The following FRRS1 variants were observed in gnomAD, a reference collection of about 807,000 sequenced individuals.
The protein encoded by FRRS1 is ferric chelate reductase 1, also known as ferric reductase 1.
Under a neutral mutation model 70.7 loss-of-function variants are expected in FRRS1, and 51 were observed. The observed-to-expected ratio is 0.72, with a 90% CI of 0.58 to 0.91. The LOEUF (loss-of-function observed/expected upper bound fraction) is 0.91. Among genes scored for constraint, FRRS1 ranks in the 40% least tolerant of loss-of-function variants. The probability of loss-of-function intolerance (pLI) is 0.00; values close to 1 mark genes in which losing one functional copy is unlikely to be tolerated. For missense variants in FRRS1, 672 were observed against 726.0 expected (o/e 0.93, Z 0.86); for synonymous variants, 225 against 238.7 (o/e 0.94, Z 0.53).
chr1:99,740,507 G>A (rs1278799189), intron 6 of FRRS1, among the ~76,000 whole-genome samples: 1 of 152,168 alleles, frequency 6.6e-6, no homozygotes, highest in Non-Finnish European at 1.5e-5. Context: ...TGCTCACATA[G>A]AGAAAACTAA....
chr1:99,761,045 T>A (rs1657093367), intron 1 of FRRS1, among the ~76,000 whole-genome samples: 1 of 152,142 alleles, frequency 6.6e-6, no homozygotes, highest in Non-Finnish European at 1.5e-5. Flanking sequence ...AACAAAGTAA[T>A]TTGAAACTCT....
intron 1 of FRRS1, among the ~76,000 whole-genome samples, chr1:99,758,140 T>C (rs374814938): frequency 4.6e-5 from 7 of 152,362 alleles, no homozygotes; most frequent in South Asian, 2.1e-4. Flanking sequence ...TTATGCTCAG[T>C]AAGCTGGCAC....
At chr1:99,754,867 A>C (rs560913888) in intron 1 of FRRS1, among the ~76,000 whole-genome samples, 1 of 152,182 alleles carries the variant, frequency 6.6e-6, no homozygotes, top group Non-Finnish European at 1.5e-5. Context: ...GGAAATATAC[A>C]CTTTAACCAG....
intron 4 of FRRS1, among the ~76,000 whole-genome samples, chr1:99,743,054 TA>T (rs1043255944): frequency 6.6e-6 from 1 of 152,202 alleles, no homozygotes; most frequent in African/African-American, 2.4e-5. Flanking sequence ...TCTTCAATAT[TA>T]AAACCCTTCA....
Position 99,708,645 on chromosome 1 carries a change from T to A in FRRS1, c.*383A>T, listed in dbSNP as rs573746471. The stretch of plus-strand genomic sequence containing the variant: ...AAAAAAATATATATATATATATATA[T>A]ATATATATATATATATATCGTAATA... On this transcript the variant is annotated 3_prime_UTR_variant, in exon 17 of 17. Coordinates refer to ENST00000646001, the MANE Select transcript of FRRS1 (RefSeq NM_001361041.2). 9.2e-5 allele frequency: 11 copies of A among 119,784 alleles called. No individual in the cohort carries two copies. Among genetic ancestry groups the A allele is most frequent in the African/African-American group, 1.6e-4 (5 of 31,186 alleles). 7.4% of individuals were successfully genotyped at this position (119,784 alleles called of 1,614,324 possible).
At chr1:99,732,801 T>C (rs1277153424) in intron 7 of FRRS1, among the ~76,000 whole-genome samples, 1 of 151,806 alleles carries the variant, frequency 6.6e-6, no homozygotes, top group Non-Finnish European at 1.5e-5. Context: ...ATTCTATAAT[T>C]ACTAAAGTTT....
In FRRS1 at chr1:99,710,817, A is replaced by C. The variant is rs747167930; in HGVS notation, c.1613T>G (p.Leu538Arg). Reference protein sequence around the residue: ...EVVLEVHAYRLSRKVEILDDD... With the variant: ...EVVLEVHAYRRSRKVEILDDD... ...TTTTACCAGGTTACCTTTGCGAGAG[A>C]GCCGATAAGCATGTACCTCCAGAAC... The change falls in exon 15 of 17, where the codon CTC becomes CGC. Residue 538 changes from leucine (L) to arginine (R), a missense_variant. Leu to Arg is a moderately radical substitution (Grantham distance 102). Transcript: ENST00000646001. The C allele has an allele frequency of 6.2e-7, 1 of 1,613,854 alleles. No individual in the cohort carries two copies.
In FRRS1 at chr1:99,717,458, C is replaced by T; in HGVS notation, c.1188G>A (p.Lys396=). The change falls in exon 11 of 17, where the codon AAG becomes AAA. Residue 396 remains lysine, a synonymous_variant. Coordinates refer to ENST00000646001, the MANE Select transcript of FRRS1 (RefSeq NM_001361041.2). ...GCAAGAAAGCTTTTGACCAAACTGGCTTGAAGAACCGGGCAACCAGTACAC... is the reference window on the plus strand; with the variant it reads ...GCAAGAAAGCTTTTGACCAAACTGGTTTGAAGAACCGGGCAACCAGTACAC... ...SIGVLVARFF[K]PVWSKAFLLG... The T allele has an allele frequency of 6.2e-7, 1 of 1,614,138 alleles. No individual in the cohort carries two copies. Among genetic ancestry groups the T allele is most frequent in the Non-Finnish European group, 8.5e-7 (1 of 1,179,980 alleles).
chr1:99,742,872 T>C (rs61167048), intron 4 of FRRS1, among the ~76,000 whole-genome samples: 46,497 of 152,154 alleles, frequency 0.31, 8,589 homozygotes, highest in East Asian at 0.55. Flanking sequence ...GTTCTACTTA[T>C]GTGTTCATAG....
Position 99,745,775 on chromosome 1 carries a change from G to A in FRRS1, c.333+1519C>T, listed in dbSNP as rs1229999791. On this transcript the variant is annotated intron_variant, in intron 4 of 16. Transcript: ENST00000646001. ...TTAAATTGCAATCCCCAGTGTTGGA[G>A]GTGGGAACTGGTGGGAGGTGTTTGT... Among the ~76,000 whole-genome samples the A allele has an allele frequency of 4.6e-5, 7 of 152,214 alleles. No homozygotes were observed. The South Asian group carries it at 8.3e-4, about 18-fold the overall frequency.
At chr1:99,730,702 C>T (rs1489230064) in intron 7 of FRRS1, among the ~76,000 whole-genome samples, 1 of 152,066 alleles carries the variant, frequency 6.6e-6, no homozygotes, top group East Asian at 1.9e-4. Flanking sequence ...CCCGTCTCTA[C>T]TAAAAATACA....
intron 1 of FRRS1, among the ~76,000 whole-genome samples, chr1:99,757,345 C>T (rs1002868511): frequency 1.4e-4 from 22 of 152,062 alleles, no homozygotes; most frequent in African/African-American, 5.3e-4. Context: ...CATTAAGTTT[C>T]AGCCTTGAAT....
At chr1:99,728,389 T>C in intron 9 of FRRS1, 104 bp downstream of exon 9, 1 of 960,888 alleles carries the variant, frequency 1.0e-6, no homozygotes, top group South Asian at 1.8e-5. Context: ...GGAAAGCGTG[T>C]GCCTTAAAAA....
rs1034598206 is a variant in FRRS1, at chr1:99,704,679, G to T, written c.*4349C>A. Reference sequence around the variant, plus strand: ...GGCAGACACACAAGCAGCTGGACGTGGAGAGGAACACATCGCAGAAGACAC... The same window carrying T: ...GGCAGACACACAAGCAGCTGGACGTTGAGAGGAACACATCGCAGAAGACAC... On this transcript the variant is annotated 3_prime_UTR_variant, in exon 17 of 17. Coordinates refer to ENST00000646001, the MANE Select transcript of FRRS1 (RefSeq NM_001361041.2). Among the ~76,000 whole-genome samples, 1 of 152,102 alleles carries T rather than the reference G, an allele frequency of 6.6e-6. No homozygotes were observed. The highest frequency in any genetic ancestry group is 2.4e-5 in the African/African-American group (1 of 41,408).
intron 1 of FRRS1, among the ~76,000 whole-genome samples, chr1:99,766,308 T>A (rs891910514): frequency 6.6e-6 from 1 of 152,016 alleles, no homozygotes; most frequent in Non-Finnish European, 1.5e-5. Context: ...AAAAAACTCC[T>A]GCAAGAATAA....
In FRRS1 at chr1:99,739,294, A is replaced by C. The variant is rs141728560; in HGVS notation, c.577-1026T>G. 2.4e-4 allele frequency among the ~76,000 whole-genome samples: 37 copies of C among 152,352 alleles called. No individual in the cohort carries two copies. In the East Asian group the frequency reaches 6.5e-3, roughly 27 times the overall value. On this transcript the variant is annotated intron_variant, in intron 6 of 16. Coordinates refer to ENST00000646001, the MANE Select transcript of FRRS1 (RefSeq NM_001361041.2). ...AATTAGAGATTATAAACATGGCACA[A>C]AGACACAATAAAAGTTCCAACAAGA... is the stretch of plus-strand genomic sequence containing the variant.
At chr1:99,740,701 GC>G in intron 6 of FRRS1, 91 bp downstream of exon 6, 1 of 849,390 alleles carries the variant, frequency 1.2e-6, no homozygotes, top group Non-Finnish European at 2.0e-6. Context: ...TGACTCCAAG[GC>G]AGGAGGATCA....
chr1:99,738,812 C>T (rs4620563), intron 6 of FRRS1, among the ~76,000 whole-genome samples: 75,098 of 151,938 alleles, frequency 0.49, 22,571 homozygotes, highest in African/African-American at 0.85. Context: ...AAAAAATGGT[C>T]GCCCCAATTT....
chr1:99,729,406 G>A (rs7547543), intron 8 of FRRS1, among the ~76,000 whole-genome samples: 76,410 of 152,124 alleles, frequency 0.5, 23,219 homozygotes, highest in African/African-American at 0.86. Context: ...CTTTTTTGTA[G>A]GATACAACCA....
Sources: allele counts gnomAD v4.1 joint callset (sites outside exome capture counted in the v4.1 genomes callset), GRCh38; gene constraint gnomAD v4.1.1; transcripts MANE v1.5; gene names NCBI Gene and HGNC (gene_info 2026-07-23, HGNC 2026-07-21).